The following PTPN14 variants were observed in gnomAD, a reference collection of about 807,000 sequenced individuals.
PTPN14 encodes tyrosine-protein phosphatase non-receptor type 14.
In PTPN14, 53 loss-of-function variants were observed where a neutral mutation model predicts 126.8. The ratio of observed to expected loss-of-function variants is 0.42; its 90% confidence interval spans 0.34 to 0.53. The LOEUF is 0.53. PTPN14 is among the 20% of genes least tolerant of loss of function. The pLI, the probability that PTPN14 is intolerant of heterozygous loss-of-function variation, is 0.08. For missense variants in PTPN14, 1,257 were observed against 1,552.9 expected (o/e 0.81, Z 3.20); for synonymous variants, 630 against 599.3 (o/e 1.05, Z -0.75).
intron 14 of PTPN14, 73 bp from the exon 15 acceptor site, chr1:214,376,510 T>A: frequency 1.5e-6 from 2 of 1,295,544 alleles, no homozygotes; most frequent in Non-Finnish European, 2.2e-6. Flanking sequence ...CAAATTTCTT[T>A]AAATATTTAG....
Position 214,384,897 on chromosome 1 carries a change from G to C in PTPN14, c.1067-109C>G, listed in dbSNP as rs984530646. The C allele has an allele frequency of 2.3e-6, 3 of 1,297,038 alleles. No homozygotes were observed. The highest frequency in any genetic ancestry group is 3.2e-6 in the Non-Finnish European group (3 of 947,748). The allele number at this position is 1,297,038 out of a possible 1,614,324, so 80.3% of individuals were successfully genotyped here. ...TTAATTTAAACAAATCATAAAAAGTGAAATCCCATGGTCTCCACCCACATG... is the reference window on the plus strand; with the variant it reads ...TTAATTTAAACAAATCATAAAAAGTCAAATCCCATGGTCTCCACCCACATG... On this transcript the variant is annotated intron_variant, in intron 12 of 18. Coordinates refer to ENST00000366956, the MANE Select transcript of PTPN14 (RefSeq NM_005401.5). The surrounding 1 kb of genome is among the most constrained non-coding windows in gnomAD (Gnocchi z 5.3).
chr1:214,370,981 TA>T (rs1241111837), intron 16 of PTPN14, among the ~76,000 whole-genome samples: 1 of 152,244 alleles, frequency 6.6e-6, no homozygotes, highest in African/African-American at 2.4e-5. Context: ...TGAGTCTCCT[TA>T]AATTGGAAGC....
At position 214,349,243 on chromosome 1, in the gene PTPN14, C is replaced by T. The variant is rs1053762727; in HGVS notation, c.*8679G>A. On this transcript the variant is annotated 3_prime_UTR_variant, in exon 19 of 19. Coordinates refer to ENST00000366956, the MANE Select transcript of PTPN14 (RefSeq NM_005401.5). ...CCAAGTCCCAACCTGGAATGCATTT[C>T]TTACGGCAACAACATAAGAGATGGT... is the stretch of plus-strand genomic sequence containing the variant. The T allele has an allele frequency of 6.6e-6, 1 of 152,194 alleles. No homozygotes were observed. The highest frequency in any genetic ancestry group is 1.5e-5 in the Non-Finnish European group (1 of 68,046). The allele number at this position is 152,194 out of a possible 1,614,324, so 9.4% of individuals were successfully genotyped here.
intron 7 of PTPN14, among the ~76,000 whole-genome samples, chr1:214,401,332 A>T (rs1277513736): frequency 6.6e-6 from 1 of 152,240 alleles, no homozygotes; most frequent in African/African-American, 2.4e-5. Flanking sequence ...AAAAGAGAAT[A>T]AGAAAACTAC....
intron 1 of PTPN14, among the ~76,000 whole-genome samples, chr1:214,470,645 G>T (rs1194758985): frequency 6.6e-6 from 1 of 151,436 alleles, no homozygotes; most frequent in Non-Finnish European, 1.5e-5. Flanking sequence ...TTAGCCGGGT[G>T]TGGTGGCAGA....
intron 1 of PTPN14, among the ~76,000 whole-genome samples, chr1:214,491,570 T>C (rs1661252834): frequency 1.3e-5 from 2 of 152,114 alleles, no homozygotes. Flanking sequence ...CCTTCTCCTA[T>C]GAGAATCAAC....
intron 5 of PTPN14, 112 bp from the exon 6 acceptor site, chr1:214,403,065 A>G (rs1659072861): frequency 9.9e-7 from 1 of 1,010,106 alleles, no homozygotes. Context: ...ACATTTCCTC[A>G]ATATCTCCTT....
rs570852864 is a variant in PTPN14, at chr1:214,505,473, C to T, written c.-154-40516G>A. Among the ~76,000 whole-genome samples the T allele has an allele frequency of 2.1e-3, 313 of 152,228 alleles. 1 individual carries two copies. Among genetic ancestry groups the T allele is most frequent in the Middle Eastern group, 0.01 (3 of 294 alleles). ...CTTCGGGGGGGTGGGGTGGTCAGTG[C>T]CCACACAGTGGTGGAGCTGCCAGCT... is the stretch of plus-strand genomic sequence containing the variant. On this transcript the variant is annotated intron_variant, in intron 1 of 18. Transcript: ENST00000366956.
At chr1:214,372,593 G>T in intron 16 of PTPN14, 118 bp downstream of exon 16, 1 of 1,415,910 alleles carries the variant, frequency 7.1e-7, no homozygotes, top group Non-Finnish European at 9.9e-7. Context: ...AAAAGCATGT[G>T]CAGAGAAACA....
At chr1:214,424,850 GC>G (rs779592972) in intron 3 of PTPN14, among the ~76,000 whole-genome samples, 7 of 67,536 alleles carry the variant, frequency 1.0e-4, no homozygotes, top group Non-Finnish European at 1.7e-4. Flanking sequence ...TGCCCGGCCC[GC>G]CCACCCTACA....
At chr1:214,487,697 T>C (rs906750841) in intron 1 of PTPN14, among the ~76,000 whole-genome samples, 11 of 151,500 alleles carry the variant, frequency 7.3e-5, no homozygotes, top group Admixed American at 2.0e-4. Flanking sequence ...GCTCCATCAA[T>C]ATATACTTTG....
At chr1:214,411,638 C>G in intron 5 of PTPN14, 46 bp downstream of exon 5, 3 of 1,334,726 alleles carry the variant, frequency 2.2e-6, no homozygotes, top group Non-Finnish European at 3.1e-6. Context: ...AACTAAATGT[C>G]CAAAGAAGGT....
At chr1:214,457,056 G>T (rs923300398) in intron 2 of PTPN14, among the ~76,000 whole-genome samples, 2 of 152,148 alleles carry the variant, frequency 1.3e-5, no homozygotes, top group African/African-American at 4.8e-5. Flanking sequence ...ATTATTAATT[G>T]CCAAAAGATT....
intron 1 of PTPN14, among the ~76,000 whole-genome samples, chr1:214,466,015 G>GGT (rs1281272818): frequency 3.1e-5 from 4 of 127,210 alleles, no homozygotes; most frequent in Admixed American, 2.9e-4. Context: ...GGAGTGCAGT[G>GGT]GTGCAATCTT....
At chr1:214,419,570 G>T (rs1227725216) in intron 3 of PTPN14, among the ~76,000 whole-genome samples, 1 of 152,150 alleles carries the variant, frequency 6.6e-6, no homozygotes, top group African/African-American at 2.4e-5. Context: ...GAGGAATCTT[G>T]CTAGAATGTA....
At chr1:214,523,832 T>C (rs1482635800) in intron 1 of PTPN14, among the ~76,000 whole-genome samples, 3 of 151,294 alleles carry the variant, frequency 2.0e-5, no homozygotes, top group Non-Finnish European at 4.4e-5. Context: ...TGAAATAGTA[T>C]TTGAGAGTAA....
intron 1 of PTPN14, chr1:214,532,496 C>T (rs1655578077): frequency 4.5e-6 from 4 of 893,980 alleles, no homozygotes; most frequent in African/African-American, 1.6e-5. Flanking sequence ...AGATCGAGAA[C>T]TGGAGGCTGG....
intron 3 of PTPN14, among the ~76,000 whole-genome samples, chr1:214,442,102 TAGACC>T (rs1660047736): frequency 3.3e-5 from 5 of 152,218 alleles, no homozygotes. Flanking sequence ...AAGTTCCAAA[TAGACC>T]AAATACTAAC....
At chr1:214,478,683 A>G (rs564855294) in intron 1 of PTPN14, among the ~76,000 whole-genome samples, 1 of 152,294 alleles carries the variant, frequency 6.6e-6, no homozygotes, top group South Asian at 2.1e-4. Flanking sequence ...TAGCCTTTAA[A>G]TGATTACTAT....
Sources: allele counts gnomAD v4.1 joint callset (sites outside exome capture counted in the v4.1 genomes callset), GRCh38; gene constraint gnomAD v4.1.1; non-coding constraint Gnocchi (gnomAD v3.1); transcripts MANE v1.5; gene names NCBI Gene and HGNC (gene_info 2026-07-23, HGNC 2026-07-21).